Variants in STPG2 observed in about 807,000 individuals in gnomAD.
STPG2 encodes the protein sperm-tail PG-rich repeat-containing protein 2.
STPG2 carries 56 observed loss-of-function variants against 54.2 expected under a neutral mutation model. The ratio of observed to expected loss-of-function variants is 1.03; its 90% CI spans 0.83 to 1.29. The LOEUF is 1.29. Among genes scored for constraint, STPG2 ranks in the 50% most tolerant of loss-of-function variants. The probability of loss-of-function intolerance (pLI) is 0.00; values close to 1 mark genes in which losing one functional copy is unlikely to be tolerated. For synonymous variants in STPG2, 200 were observed against 181.8 expected (o/e 1.10, Z -0.81); for missense variants, 596 against 544.9 (o/e 1.09, Z -0.93).
chr4:97,634,853 T>A (rs1003755543), intron 10 of STPG2, among the ~76,000 whole-genome samples: 10 of 150,556 alleles, frequency 6.6e-5, no homozygotes, highest in African/African-American at 2.4e-4. Flanking sequence ...AAAGACCAAA[T>A]CTACGTCTGA....
At chr4:97,841,576 C>T (rs1728803810) in intron 8 of STPG2, among the ~76,000 whole-genome samples, 1 of 151,768 alleles carries the variant, frequency 6.6e-6, no homozygotes, top group South Asian at 2.1e-4. Flanking sequence ...CTTTTTTAAA[C>T]TCATTTTCCT....
At chr4:97,517,603 A>AC (rs1553934603) in intron 4 of STPG2, among the ~76,000 whole-genome samples, 1 of 151,852 alleles carries the variant, frequency 6.6e-6, no homozygotes. Context: ...CTTAGTGTCA[A>AC]TTTTTTTCAG....
At chr4:98,065,026 G>A (rs909409502) in intron 5 of STPG2, among the ~76,000 whole-genome samples, 16 of 151,930 alleles carry the variant, frequency 1.1e-4, no homozygotes, top group Non-Finnish European at 8.8e-5. Flanking sequence ...CAGCCTCCCC[G>A]GTAGCTGGAA....
chr4:97,475,452 A>G (rs1415127245), intron 4 of STPG2, among the ~76,000 whole-genome samples: 3 of 149,408 alleles, frequency 2.0e-5, no homozygotes, highest in East Asian at 2.0e-4. Context: ...TTAATCTAAC[A>G]TATATGTATA....
chr4:98,043,181 A>C (rs1231609166), intron 5 of STPG2, among the ~76,000 whole-genome samples: 1 of 152,006 alleles, frequency 6.6e-6, no homozygotes, highest in African/African-American at 2.4e-5. Context: ...TTTGCATGGA[A>C]TATCCTTTTC....
intron 4 of STPG2, among the ~76,000 whole-genome samples, chr4:97,539,655 A>C (rs1036386598): frequency 1.3e-5 from 2 of 152,214 alleles, no homozygotes; most frequent in South Asian, 2.1e-4. Context: ...GTTAACAAGG[A>C]TATCCAGGAA....
chr4:97,445,538 A>G (rs1192812575), intron 4 of STPG2, among the ~76,000 whole-genome samples: 2 of 152,206 alleles, frequency 1.3e-5, no homozygotes, highest in African/African-American at 4.8e-5. Flanking sequence ...TAAATACACA[A>G]TATTATTAAT....
chr4:97,541,664 T>C (rs919224737), intron 4 of STPG2, among the ~76,000 whole-genome samples: 1 of 152,082 alleles, frequency 6.6e-6, no homozygotes, highest in Non-Finnish European at 1.5e-5. Flanking sequence ...CATTGCCAAG[T>C]CAACCCTAAG....
intron 8 of STPG2, among the ~76,000 whole-genome samples, chr4:97,918,571 A>G (rs973408840): frequency 4.6e-5 from 7 of 152,180 alleles, no homozygotes; most frequent in Non-Finnish European, 8.8e-5. Context: ...ATATATGTGT[A>G]TGTGTATATG....
chr4:97,731,611 A>T (rs948523376), intron 9 of STPG2, among the ~76,000 whole-genome samples: 17 of 152,156 alleles, frequency 1.1e-4, no homozygotes, highest in African/African-American at 4.1e-4. Context: ...TTCTGTGCCC[A>T]GATGCCTGGG....
chr4:97,672,695 G>T (rs1722736698), intron 10 of STPG2, among the ~76,000 whole-genome samples: 2 of 152,078 alleles, frequency 1.3e-5, no homozygotes, highest in South Asian at 4.2e-4. Flanking sequence ...GACTTTTAGG[G>T]GTGCATCTCA....
rs141314810 is a variant in STPG2, at chr4:97,977,917, T to C, written c.772+3242A>G. On this transcript the variant is annotated intron_variant, in intron 6 of 10. Transcript: ENST00000295268. ...TTGAAAGACAGCGGGGAAAACGTTATTAGAGCATGGAGAAATGATAACTGG... is the reference window on the plus strand; with the variant it reads ...TTGAAAGACAGCGGGGAAAACGTTACTAGAGCATGGAGAAATGATAACTGG... Among the ~76,000 whole-genome samples the C allele has an allele frequency of 2.9e-3, 435 of 152,258 alleles. 3 individuals carry two copies. Among genetic ancestry groups the C allele is most frequent in the African/African-American group, 9.9e-3 (410 of 41,554 alleles).
intron 10 of STPG2, among the ~76,000 whole-genome samples, chr4:97,583,553 A>C (rs1207188391): frequency 2.5e-5 from 1 of 39,338 alleles, no homozygotes; most frequent in Non-Finnish European, 4.4e-5. Context: ...TAGTCAACTT[A>C]GAGTGTTATT....
intron 4 of STPG2, among the ~76,000 whole-genome samples, chr4:97,458,990 C>A (rs1384170976): frequency 6.6e-6 from 1 of 151,970 alleles, no homozygotes; most frequent in Admixed American, 6.5e-5. Context: ...TAAAAAACTT[C>A]CTGAATTTGA....
At chr4:97,836,902 A>C (rs1357054423) in intron 9 of STPG2, among the ~76,000 whole-genome samples, 1 of 149,900 alleles carries the variant, frequency 6.7e-6, no homozygotes, top group Non-Finnish European at 1.5e-5. Flanking sequence ...AAATTATATT[A>C]TTAATTAACA....
intron 8 of STPG2, among the ~76,000 whole-genome samples, chr4:97,940,093 G>T (rs1370179483): frequency 6.6e-6 from 1 of 152,142 alleles, no homozygotes; most frequent in Non-Finnish European, 1.5e-5. Flanking sequence ...ATTCTTGGTT[G>T]AAGATTTTTT....
intron 7 of STPG2, among the ~76,000 whole-genome samples, chr4:97,951,045 C>T (rs1279426786): frequency 6.6e-6 from 1 of 152,146 alleles, no homozygotes; most frequent in African/African-American, 2.4e-5. Context: ...CCATCCAGAT[C>T]AACTAACTGG....
chr4:97,902,461 C>A (rs1358526655), intron 8 of STPG2, among the ~76,000 whole-genome samples: 1 of 151,996 alleles, frequency 6.6e-6, no homozygotes, highest in Non-Finnish European at 1.5e-5. Context: ...CAAAAAGAAA[C>A]AAATAACTAA....
chr4:97,764,636 T>C (rs1427003060), intron 9 of STPG2, among the ~76,000 whole-genome samples: 1 of 152,054 alleles, frequency 6.6e-6, no homozygotes, highest in African/African-American at 2.4e-5. Flanking sequence ...AAAGAAACAA[T>C]TATACAAGAA....
Sources: allele counts gnomAD v4.1 joint callset (sites outside exome capture counted in the v4.1 genomes callset), GRCh38; gene constraint gnomAD v4.1.1; transcripts MANE v1.5; gene names NCBI Gene and HGNC (gene_info 2026-07-23, HGNC 2026-07-21).